Variants in TENM3 observed in about 807,000 individuals in gnomAD.
TENM3 encodes teneurin-3.
In TENM3, 63 loss-of-function variants were observed where a neutral mutation model predicts 255.1. That is an observed-to-expected ratio of 0.25 (90% CI 0.20 to 0.30). The LOEUF is 0.30. Ranked by LOEUF, TENM3 falls within the 10% of genes least tolerant of loss-of-function variation. The pLI is 1.00. For missense variants in TENM3, 2,929 were observed against 3,461.1 expected, an observed-to-expected ratio of 0.85 and a Z score of 3.86; for synonymous variants, 1,306 against 1,322.3, an observed-to-expected ratio of 0.99 and a Z score of 0.27.
chr4:181,517,547 A>C, the TENM3 span, among the ~76,000 whole-genome samples: 90 of 152,356 alleles, frequency 5.9e-4, no homozygotes, highest in African/African-American at 2.0e-3. Context: ...CAGGATATTA[A>C]CAAAAACTTC....
the TENM3 span, among the ~76,000 whole-genome samples, chr4:181,746,759 T>TA: frequency 3.3e-5 from 5 of 152,064 alleles, no homozygotes; most frequent in Non-Finnish European, 4.4e-5. Context: ...TCAGCTATTT[T>TA]TTTTTTTTAC....
rs1365677806 is a variant in TENM3 at position 182,145,371 on chromosome 4, A to G, written c.-76+617A>G. On this transcript the variant is annotated intron_variant, in intron 1 of 2. Transcript: ENST00000512480. ...ACTCTGGATGGGGTTGGAAACACACACAAAATATCCTGAGCTGGGCGTTTC... is the reference window on the plus strand; with the variant it reads ...ACTCTGGATGGGGTTGGAAACACACGCAAAATATCCTGAGCTGGGCGTTTC... 2.0e-5 allele frequency: 3 copies of G among 152,226 alleles called. No homozygotes were observed. The East Asian group carries it at 5.8e-4, about 30-fold the overall frequency. The allele number at this position is 152,226 out of a possible 1,614,324, so 9.4% of individuals were successfully genotyped here.
At chr4:181,493,975 G>A in the TENM3 span, among the ~76,000 whole-genome samples, 2 of 151,982 alleles carry the variant, frequency 1.3e-5, no homozygotes, top group Non-Finnish European at 2.9e-5. Context: ...ATCATATAGG[G>A]CTAGGCAGTA....
At chr4:182,406,980 C>T (rs191498538) in intron 3 of TENM3, among the ~76,000 whole-genome samples, 4 of 152,164 alleles carry the variant, frequency 2.6e-5, no homozygotes, top group African/African-American at 9.7e-5. Flanking sequence ...AGAATGCTAA[C>T]CTTACGTCCA....
At chr4:181,936,540 T>C in the TENM3 span, among the ~76,000 whole-genome samples, 1 of 152,234 alleles carries the variant, frequency 6.6e-6, no homozygotes, top group Non-Finnish European at 1.5e-5. Flanking sequence ...CATCATTTCC[T>C]GATTTTGTCC....
At chr4:182,154,615 T>C (rs779311777) in intron 1 of TENM3, among the ~76,000 whole-genome samples, 4 of 152,208 alleles carry the variant, frequency 2.6e-5, no homozygotes, top group Admixed American at 6.5e-5. Flanking sequence ...GACCAGGGCA[T>C]TGATTCTTGC....
the TENM3 span, among the ~76,000 whole-genome samples, chr4:181,593,997 T>G: frequency 2.0e-5 from 2 of 98,566 alleles, no homozygotes; most frequent in African/African-American, 6.7e-5. Context: ...TGCAGGAGTT[T>G]TTTTTTTTTT....
chr4:182,362,750 G>A (rs924363678), intron 3 of TENM3, among the ~76,000 whole-genome samples: 2 of 152,126 alleles, frequency 1.3e-5, no homozygotes, highest in Non-Finnish European at 2.9e-5. Flanking sequence ...CCACTGTCTG[G>A]CACTCCCTAG....
chr4:181,923,796 A>C, the TENM3 span, among the ~76,000 whole-genome samples: 2 of 152,146 alleles, frequency 1.3e-5, no homozygotes, highest in Non-Finnish European at 2.9e-5. Flanking sequence ...GCTTCCCAGG[A>C]GTTTCTTGTG....
chr4:182,076,987 A>T, the TENM3 span, among the ~76,000 whole-genome samples: 1 of 152,122 alleles, frequency 6.6e-6, no homozygotes, highest in Admixed American at 6.6e-5. Flanking sequence ...TTAGAGGATA[A>T]ATCCCTCAAA....
intron 1 of TENM3, among the ~76,000 whole-genome samples, chr4:182,260,177 T>C (rs375912567): frequency 6.6e-6 from 1 of 152,224 alleles, no homozygotes; most frequent in East Asian, 1.9e-4. Context: ...TTGGCTATAG[T>C]GAATAGATCT....
At chr4:182,602,655 GAA>G (rs571562124) in intron 4 of TENM3, among the ~76,000 whole-genome samples, 190 of 152,252 alleles carry the variant, frequency 1.2e-3, no homozygotes, top group Admixed American at 2.7e-3. Context: ...ATTAGGAAGA[GAA>G]AGAACAGGAA....
the TENM3 span, among the ~76,000 whole-genome samples, chr4:181,494,730 A>G: frequency 2.0e-5 from 3 of 152,130 alleles, no homozygotes; most frequent in Non-Finnish European, 2.9e-5. Flanking sequence ...ATAAAATAAG[A>G]CTTCCAGTTT....
the TENM3 span, among the ~76,000 whole-genome samples, chr4:181,677,468 TAAG>T: frequency 3.9e-4 from 60 of 152,158 alleles, no homozygotes; most frequent in Non-Finnish European, 5.7e-4. Flanking sequence ...TCTAGTCTGC[TAAG>T]AAGTCCTCTG....
chr4:182,050,575 A>C, the TENM3 span, among the ~76,000 whole-genome samples: 2 of 152,152 alleles, frequency 1.3e-5, no homozygotes, highest in Non-Finnish European at 2.9e-5. Context: ...AGGCCAAGGC[A>C]GACGGATTGC....
At chr4:182,711,834 A>G (rs986864211) in intron 12 of TENM3, among the ~76,000 whole-genome samples, 4 of 152,150 alleles carry the variant, frequency 2.6e-5, no homozygotes, top group Non-Finnish European at 5.9e-5. Flanking sequence ...AGTTTTCTCT[A>G]GAACCAGAAA....
At chr4:182,541,303 A>G (rs1289237845) in intron 3 of TENM3, among the ~76,000 whole-genome samples, 1 of 152,188 alleles carries the variant, frequency 6.6e-6, no homozygotes, top group African/African-American at 2.4e-5. Flanking sequence ...ATAGAAAGTG[A>G]TTCTGTGTGT....
chr4:182,321,600 TG>T (rs1763056052), intron 1 of TENM3, among the ~76,000 whole-genome samples: 1 of 151,900 alleles, frequency 6.6e-6, no homozygotes. Context: ...CACTCCAGAC[TG>T]GGCAACAGAG....
the TENM3 span, among the ~76,000 whole-genome samples, chr4:181,549,264 C>T: frequency 3.3e-5 from 5 of 152,172 alleles, no homozygotes; most frequent in Non-Finnish European, 7.3e-5. Context: ...GCTCCAGGGG[C>T]ACGAACATGA....
Sources: allele counts gnomAD v4.1 joint callset (sites outside exome capture counted in the v4.1 genomes callset), GRCh38; gene constraint gnomAD v4.1.1; transcripts MANE v1.5; gene names NCBI Gene and HGNC (gene_info 2026-07-23, HGNC 2026-07-21).